SLC6A11: variants seen among roughly 807,000 people sequenced by gnomAD.
SLC6A11 encodes sodium- and chloride-dependent GABA transporter 3.
A neutral mutation model predicts 74.8 loss-of-function variants in SLC6A11; 25 were observed. The ratio of observed to expected loss-of-function variants is 0.33; its 90% CI spans 0.24 to 0.47. SLC6A11 has a LOEUF of 0.47. Ranked by LOEUF, SLC6A11 falls within the 20% of genes least tolerant of loss-of-function variation. SLC6A11 has a pLI of 1.00. For synonymous variants in SLC6A11, 330 were observed against 330.2 expected (o/e 1.00, Z 0.01); for missense variants, 574 against 837.0 (o/e 0.69, Z 3.88).
At chr3:10,924,290 T>C (rs1044959208) in intron 8 of SLC6A11, among the ~76,000 whole-genome samples, 2 of 152,154 alleles carry the variant, frequency 1.3e-5, no homozygotes, top group African/African-American at 4.8e-5. Context: ...TCTGCCTCTA[T>C]ACCATATGGC....
chr3:10,837,570 C>A (rs1003030921), intron 4 of SLC6A11, among the ~76,000 whole-genome samples: 1 of 152,186 alleles, frequency 6.6e-6, no homozygotes, highest in Non-Finnish European at 1.5e-5. Flanking sequence ...GCTGTCCTCA[C>A]CTGAGAAGAT....
chr3:10,858,570 AAC>A (rs1694665385), intron 5 of SLC6A11, among the ~76,000 whole-genome samples: 1 of 152,150 alleles, frequency 6.6e-6, no homozygotes, highest in Non-Finnish European at 1.5e-5. Context: ...TGCAATCACT[AAC>A]TTATGTTATG....
At chr3:10,934,033 T>C in intron 11 of SLC6A11, 33 bp from the exon 12 acceptor site, 3 of 1,446,880 alleles carry the variant, frequency 2.1e-6, no homozygotes, top group Non-Finnish European at 2.9e-6. Context: ...TTCTCTGGGG[T>C]GTGTATGTTC....
rs1042236139 is a variant in SLC6A11, at chr3:10,828,222, C to T, written c.623+4830C>T. 6.6e-5 allele frequency among the ~76,000 whole-genome samples: 10 copies of T among 152,296 alleles called. No homozygotes were observed. The South Asian group carries it at 2.1e-3, about 32-fold the overall frequency. ...CATTAGTCCAGGGTTTGGGGAGCAA[C>T]TCCATTCTTGCTGTGTATACAATCA... On this transcript the variant is annotated intron_variant, in intron 4 of 13. Coordinates refer to ENST00000254488, the MANE Select transcript of SLC6A11 (RefSeq NM_014229.3).
chr3:10,904,581 T>C (rs932166830), intron 6 of SLC6A11, among the ~76,000 whole-genome samples: 2 of 152,202 alleles, frequency 1.3e-5, no homozygotes, highest in African/African-American at 2.4e-5. Flanking sequence ...TCAAATTGTG[T>C]CGAGAAATAG....
rs56827863 is a variant in SLC6A11 at position 10,878,579 on chromosome 3, A to AT, written c.891+3499dup. Reference sequence around the variant, plus strand: ...TCCACCACACCTGGCTAATGTTTGTATTTTTTTTTTTTTTTAGTAGAGATG... The same window carrying AT: ...TCCACCACACCTGGCTAATGTTTGTATTTTTTTTTTTTTTTTAGTAGAGATG... On this transcript the variant is annotated intron_variant, in intron 6 of 13. Transcript: ENST00000254488. Among the ~76,000 whole-genome samples the AT allele has an allele frequency of 7.1e-3, 997 of 141,218 alleles. 9 individuals are homozygous for AT. The highest frequency in any genetic ancestry group is 0.023 in the African/African-American group (879 of 37,972). The allele number at this position is 141,218 out of a possible 152,430, so 92.6% of individuals were successfully genotyped here. A position where few individuals can be genotyped will look rare whatever the true frequency, so the allele number is the denominator to read the frequency against.
intron 5 of SLC6A11, among the ~76,000 whole-genome samples, chr3:10,873,617 A>T (rs1457678641): frequency 1.2e-4 from 14 of 112,832 alleles, no homozygotes; most frequent in Non-Finnish European, 2.4e-4. Context: ...ATGCCATGCT[A>T]TCCTATCCTA....
intron 6 of SLC6A11, among the ~76,000 whole-genome samples, chr3:10,898,757 C>T (rs527871356): frequency 6.6e-6 from 1 of 152,212 alleles, no homozygotes; most frequent in African/African-American, 2.4e-5. Flanking sequence ...CTGCCTGTTA[C>T]CTATTTCCAA....
chr3:10,935,792 G>A (rs1257864305), intron 13 of SLC6A11, among the ~76,000 whole-genome samples: 5 of 152,150 alleles, frequency 3.3e-5, no homozygotes. Context: ...ACCCATTTCA[G>A]CCATACAGTT....
chr3:10,904,316 C>G (rs932133960), intron 6 of SLC6A11, among the ~76,000 whole-genome samples: 8 of 152,314 alleles, frequency 5.3e-5, no homozygotes, highest in Middle Eastern at 6.8e-3. Flanking sequence ...TACTGTGCAC[C>G]AGGGCTCACT....
chr3:10,863,371 A>G (rs752849601), intron 5 of SLC6A11, among the ~76,000 whole-genome samples: 1 of 152,238 alleles, frequency 6.6e-6, no homozygotes. Flanking sequence ...ACTATGGTCT[A>G]TGATTCACAG....
rs750756664 is a variant in SLC6A11 at position 10,875,110 on chromosome 3, C to A, written c.891+15C>A. Reference sequence around the variant, plus strand: ...CCGACCCCCAGGTAAGAGTCGCTTGCTCAATGTGCAGCATCACCCACCACC... The same window carrying A: ...CCGACCCCCAGGTAAGAGTCGCTTGATCAATGTGCAGCATCACCCACCACC... On this transcript the variant is annotated intron_variant, in intron 6 of 13. Coordinates refer to ENST00000254488, the MANE Select transcript of SLC6A11 (RefSeq NM_014229.3). 6.3e-6 allele frequency: 10 copies of A among 1,593,146 alleles called. No individual in the cohort carries two copies. Among genetic ancestry groups the A allele is most frequent in the Non-Finnish European group, 8.6e-6 (10 of 1,166,202 alleles).
At chr3:10,873,532 GTC>G (rs1694860812) in intron 5 of SLC6A11, among the ~76,000 whole-genome samples, 1 of 76,670 alleles carries the variant, frequency 1.3e-5, no homozygotes, top group African/African-American at 8.9e-5. Context: ...ATCCTATCCT[GTC>G]CTATCCTATC....
chr3:10,835,809 A>T (rs1559555399), intron 4 of SLC6A11, among the ~76,000 whole-genome samples: 2 of 152,214 alleles, frequency 1.3e-5, no homozygotes, highest in Non-Finnish European at 2.9e-5. Context: ...GATGTTAGGA[A>T]GTATTGCCTT....
chr3:10,853,513 G>A (rs78407803), intron 5 of SLC6A11, among the ~76,000 whole-genome samples: 1,839 of 152,188 alleles, frequency 0.012, 44 homozygotes, highest in African/African-American at 0.042. Context: ...TCCAAGCAGC[G>A]GCGCAAAACC....
chr3:10,844,429 A>C, intron 5 of SLC6A11, 83 bp downstream of exon 5: 1 of 1,550,934 alleles, frequency 6.4e-7, no homozygotes, highest in Non-Finnish European at 8.9e-7. Flanking sequence ...CAGGGAGTTC[A>C]TGTTGCAGAG....
At chr3:10,831,275 T>C (rs1261852742) in intron 4 of SLC6A11, among the ~76,000 whole-genome samples, 2 of 152,212 alleles carry the variant, frequency 1.3e-5, no homozygotes, top group African/African-American at 4.8e-5. Context: ...CCCCAAATCC[T>C]ACTTCTGAAA....
intron 4 of SLC6A11, 37 bp downstream of exon 4, chr3:10,823,429 G>C: frequency 7.1e-7 from 1 of 1,400,284 alleles, no homozygotes; most frequent in Non-Finnish European, 1.0e-6. Context: ...TGGCCTGTGG[G>C]GGCTCTGTCC....
At chr3:10,935,730 C>T (rs1695752790) in intron 13 of SLC6A11, among the ~76,000 whole-genome samples, 2 of 152,194 alleles carry the variant, frequency 1.3e-5, no homozygotes, top group Admixed American at 6.5e-5. Flanking sequence ...GTTAGCAGAT[C>T]ACATGGTTAA....
Sources: gnomAD v4.1 joint callset for allele counts (sites outside exome capture counted in the v4.1 genomes callset) on GRCh38, gnomAD v4.1.1 for gene constraint, MANE v1.5 for transcripts, NCBI Gene and HGNC (gene_info 2026-07-23, HGNC 2026-07-21) for gene names.